The following C12orf56 variants were observed in gnomAD, a reference collection of about 807,000 sequenced individuals.
The protein encoded by C12orf56 is chromosome 12 open reading frame 56, also known as uncharacterized protein C12orf56.
In C12orf56, 71 loss-of-function variants were observed where a neutral mutation model predicts 69.9. The observed-to-expected ratio is 1.02, with a 90% confidence interval of 0.84 to 1.24. The LOEUF (loss-of-function observed/expected upper bound fraction) is 1.24, where lower values mean the gene tolerates loss of function less well. Ranked by LOEUF, C12orf56 falls within the 50% of genes most tolerant of loss-of-function variation. The pLI is 0.00. For missense variants in C12orf56, 732 were observed against 738.5 expected (o/e 0.99, Z 0.10); for synonymous variants, 276 against 274.1 (o/e 1.01, Z -0.07).
At chr12:64,349,863 G>A (rs1236518206) in intron 2 of C12orf56, among the ~76,000 whole-genome samples, 1 of 152,190 alleles carries the variant, frequency 6.6e-6, no homozygotes, top group Non-Finnish European at 1.5e-5. Flanking sequence ...GGAGGCCAAG[G>A]CAGGCATATC....
chr12:64,337,868 A>AAAC (rs2039017686), intron 2 of C12orf56, among the ~76,000 whole-genome samples: 1 of 149,414 alleles, frequency 6.7e-6, no homozygotes, highest in African/African-American at 2.4e-5. Context: ...AAAAAAAAAA[A>AAAC]AAAAAACACC....
At chr12:64,379,051 CAA>C (rs59633826) in intron 1 of C12orf56, among the ~76,000 whole-genome samples, 3,020 of 121,448 alleles carry the variant, frequency 0.025, 88 homozygotes, top group African/African-American at 0.076. Context: ...AACCCTGTCT[CAA>C]AAAAAAAAAA....
intron 11 of C12orf56, among the ~76,000 whole-genome samples, chr12:64,271,059 A>C (rs776197574): frequency 1.2e-4 from 18 of 152,060 alleles, no homozygotes; most frequent in Non-Finnish European, 2.1e-4. Context: ...CCAGCTACTC[A>C]GGAGGCTGAG....
At chr12:64,379,288 ATT>A (rs375429247) in intron 1 of C12orf56, among the ~76,000 whole-genome samples, 1 of 141,722 alleles carries the variant, frequency 7.1e-6, no homozygotes, top group Non-Finnish European at 1.5e-5. Context: ...ATGCAATTTC[ATT>A]TTTTTTTTTT....
intron 11 of C12orf56, 149 bp from the exon 12 acceptor site, chr12:64,270,863 G>A (rs1294893041): frequency 4.4e-6 from 3 of 684,028 alleles, no homozygotes; most frequent in Non-Finnish European, 7.0e-6. Flanking sequence ...GGTATCCAAT[G>A]TCAAATAAAA....
At chr12:64,382,262 C>CAAAAA (rs55714337) in intron 1 of C12orf56, among the ~76,000 whole-genome samples, 1 of 97,700 alleles carries the variant, frequency 1.0e-5, no homozygotes, top group Non-Finnish European at 2.0e-5. Flanking sequence ...ACTCTTGTCT[C>CAAAAA]AAAAAAAAAA....
chr12:64,347,176 C>T (rs1440719948), intron 2 of C12orf56, among the ~76,000 whole-genome samples: 1 of 151,894 alleles, frequency 6.6e-6, no homozygotes, highest in Non-Finnish European at 1.5e-5. Flanking sequence ...CGGGGTTTTA[C>T]CATGTTGGCC....
chr12:64,352,693 T>A (rs1436060704), intron 2 of C12orf56, among the ~76,000 whole-genome samples: 1 of 152,148 alleles, frequency 6.6e-6, no homozygotes, highest in Admixed American at 6.5e-5. Flanking sequence ...AGACCCCTTT[T>A]TTTCACTGAG....
chr12:64,365,000 G>C (rs1156981787), intron 1 of C12orf56, among the ~76,000 whole-genome samples: 1 of 151,980 alleles, frequency 6.6e-6, no homozygotes, highest in South Asian at 2.1e-4. Context: ...ATCCTCTCCA[G>C]CATGAAGATG....
intron 1 of C12orf56, among the ~76,000 whole-genome samples, chr12:64,362,896 A>G (rs2039416956): frequency 6.6e-6 from 1 of 152,162 alleles, no homozygotes; most frequent in Admixed American, 6.5e-5. Flanking sequence ...TTGCCATGGC[A>G]TTCGTAAACT....
chr12:64,319,798 G>A (rs945191428), intron 3 of C12orf56, among the ~76,000 whole-genome samples: 4 of 152,224 alleles, frequency 2.6e-5, no homozygotes, highest in Admixed American at 6.5e-5. Flanking sequence ...CACAGTGGGA[G>A]GGACAATGAT....
intron 1 of C12orf56, among the ~76,000 whole-genome samples, chr12:64,358,482 A>AATCATC (rs1555193400): frequency 3.2e-4 from 40 of 125,946 alleles, no homozygotes; most frequent in African/African-American, 1.2e-3. Flanking sequence ...TAATAATAAT[A>AATCATC]ATCATCATCA....
intron 2 of C12orf56, chr12:64,338,324 T>C: frequency 1.8e-6 from 1 of 552,764 alleles, no homozygotes; most frequent in Admixed American, 2.3e-5. Flanking sequence ...ACCAGCTATG[T>C]CCTCTGGCAG....
At chr12:64,309,212 G>A (rs1359362672) in intron 5 of C12orf56, among the ~76,000 whole-genome samples, 1 of 152,124 alleles carries the variant, frequency 6.6e-6, no homozygotes, top group African/African-American at 2.4e-5. Flanking sequence ...TGTTCTACAA[G>A]TATCACCACT....
intron 1 of C12orf56, among the ~76,000 whole-genome samples, chr12:64,365,424 C>A (rs1009481299): frequency 1.3e-5 from 2 of 151,626 alleles, no homozygotes; most frequent in Admixed American, 6.6e-5. Context: ...CTCAGTCTCC[C>A]AAAGTACTGG....
intron 5 of C12orf56, among the ~76,000 whole-genome samples, chr12:64,306,358 T>TA (rs2038511361): frequency 6.6e-6 from 1 of 151,314 alleles, no homozygotes; most frequent in Admixed American, 6.6e-5. Context: ...TGTTAACAGA[T>TA]ACTCTATTTT....
chr12:64,298,539 C>T (rs1387388468), intron 6 of C12orf56, among the ~76,000 whole-genome samples: 2 of 151,992 alleles, frequency 1.3e-5, no homozygotes, highest in African/African-American at 4.8e-5. Flanking sequence ...CTTTAATCCA[C>T]CTTGAGTTAA....
intron 1 of C12orf56, among the ~76,000 whole-genome samples, chr12:64,369,286 C>G (rs983556128): frequency 6.6e-6 from 1 of 152,172 alleles, no homozygotes; most frequent in Non-Finnish European, 1.5e-5. Context: ...CAACCTCTGC[C>G]TCCCGGGTTC....
At chr12:64,330,580 T>G (rs2038916740) in intron 3 of C12orf56, among the ~76,000 whole-genome samples, 1 of 152,232 alleles carries the variant, frequency 6.6e-6, no homozygotes, top group Non-Finnish European at 1.5e-5. Context: ...GCAAATGCTG[T>G]ATATCTTAGT....
Sources: gnomAD v4.1 joint callset for allele counts (sites outside exome capture counted in the v4.1 genomes callset) on GRCh38, gnomAD v4.1.1 for gene constraint, MANE v1.5 for transcripts, NCBI Gene and HGNC (gene_info 2026-07-23, HGNC 2026-07-21) for gene names.